The following MBD3 variants were observed in gnomAD, a reference collection of about 807,000 sequenced individuals.
The protein encoded by MBD3 is methyl-CpG-binding domain protein 3.
Under a neutral mutation model 31.2 loss-of-function variants are expected in MBD3, and 13 were observed. The observed-to-expected ratio is 0.42, with a 90% CI of 0.27 to 0.66. The LOEUF (loss-of-function observed/expected upper bound fraction) is 0.66, where lower values mean the gene tolerates loss of function less well. Among genes scored for constraint, MBD3 ranks in the 30% least tolerant of loss-of-function variants. The pLI is 0.26. For missense variants in MBD3, 440 were observed against 426.5 expected (o/e 1.03, Z -0.28); for synonymous variants, 223 against 187.4 (o/e 1.19, Z -1.55).
rs1388648091 is a variant in MBD3 at position 1,585,804 on chromosome 19, G to C, written c.111-590C>G. 6.4e-6 allele frequency: 1 copy of C among 156,692 alleles called. No homozygotes were observed. The highest frequency in any genetic ancestry group is 1.4e-5 in the Non-Finnish European group (1 of 70,916). 9.7% of individuals were successfully genotyped at this position (156,692 alleles called of 1,614,324 possible). A position where few individuals can be genotyped will look rare whatever the true frequency, so the allele number is the denominator to read the frequency against. On this transcript the variant is annotated intron_variant, in intron 1 of 6. Coordinates refer to ENST00000434436, the MANE Select transcript of MBD3 (RefSeq NM_001281453.2). The surrounding 1 kb of genome is among the most constrained non-coding windows in gnomAD (Gnocchi z 4.1). Reference sequence around the variant, plus strand: ...GGGGTTACAGCAGCAGGGCCAGACTGGGAAGGGGTCTCGTTCTAAGATCTG... The same window carrying C: ...GGGGTTACAGCAGCAGGGCCAGACTCGGAAGGGGTCTCGTTCTAAGATCTG...
chr19:1,590,355 C>T (rs1251537001), intron 1 of MBD3, among the ~76,000 whole-genome samples: 2 of 152,224 alleles, frequency 1.3e-5, no homozygotes, highest in East Asian at 1.9e-4. Flanking sequence ...CAGGCAGTGG[C>T]TCATGCCTGT....
intron 1 of MBD3, among the ~76,000 whole-genome samples, chr19:1,587,276 T>A (rs747692474): frequency 5.3e-5 from 8 of 152,162 alleles, no homozygotes; most frequent in Non-Finnish European, 1.0e-4. Context: ...ATTTTTATAT[T>A]TTTTTAATAG....
rs1184520268 is a variant in MBD3 at position 1,592,739 on chromosome 19, CCG to C, written c.-110_-109del. ...CTGCCGCTGCCGCCGCCGCCACTTGCCGCGGCTGTTCCGGCCCGCGGGCCCCC... is the reference window on the plus strand; with the variant it reads ...CTGCCGCTGCCGCCGCCGCCACTTGCCGGCTGTTCCGGCCCGCGGGCCCCC... On this transcript the variant is annotated 5_prime_UTR_variant, in exon 1 of 7. Coordinates refer to ENST00000434436, the MANE Select transcript of MBD3 (RefSeq NM_001281453.2). 4.2e-6 allele frequency: 1 copy of C among 237,978 alleles called. No homozygotes were observed. Among genetic ancestry groups the C allele is most frequent in the African/African-American group, 2.3e-5 (1 of 42,582 alleles). 14.7% of individuals were successfully genotyped at this position (237,978 alleles called of 1,614,324 possible).
Position 1,581,220 on chromosome 19 carries a change from G to A in MBD3, c.549C>T (p.Ser183=), listed in dbSNP as rs148906012. 3.5e-5 allele frequency: 57 copies of A among 1,613,054 alleles called. No individual in the cohort carries two copies. The African/African-American group carries it at 5.2e-4, about 15-fold the overall frequency. The part of the protein sequence containing the change: ...TDETLLSAIA[S]ALHTSTMPIT... ...TGGGCATGGTGCTAGTGTGCAGGGC[G>A]CTGGCGATGGCCGACAGCAGCGTCT... Residue 183 remains serine, a synonymous_variant, in exon 5 of 7, where the codon AGC becomes AGT. Coordinates refer to ENST00000434436, the MANE Select transcript of MBD3 (RefSeq NM_001281453.2).
Position 1,582,525 on chromosome 19 carries a change from G to A in MBD3, c.499+97C>T. 7.5e-6 allele frequency: 9 copies of A among 1,197,870 alleles called. No homozygotes were observed. In the South Asian group the frequency reaches 9.0e-5, roughly 12 times the overall value. The allele number at this position is 1,197,870 out of a possible 1,614,324, so 74.2% of individuals were successfully genotyped here. A position where few individuals can be genotyped will look rare whatever the true frequency, so the allele number is the denominator to read the frequency against. On this transcript the variant is annotated intron_variant, in intron 4 of 6. Coordinates refer to ENST00000434436, the MANE Select transcript of MBD3 (RefSeq NM_001281453.2). ...GATTTGCCCTAAGCACCCAAAGCAG[G>A]AACAGCCATCCACCCTGCCAGGAGA...
Position 1,584,622 on chromosome 19 carries a change from T to C in MBD3, c.326A>G (p.Lys109Arg). ...GTTGGTAATCTTGGTCACCGGCTGCTTGAAGATGGACGCCGTCTGGCGCAC... is the reference window on the plus strand; with the variant it reads ...GTTGGTAATCTTGGTCACCGGCTGCCTGAAGATGGACGCCGTCTGGCGCAC... The part of the protein sequence containing the change: ...LPVRQTASIF[K>R]QPVTKITNHP... The change falls in exon 3 of 7, where the codon AAG (lysine) becomes AGG (arginine). Residue 109 changes from lysine to arginine, a missense_variant. Lys to Arg is a conservative substitution (Grantham distance 26). This residue lies in a region of MBD3 where 144 missense variants were observed against 196.9 expected (regional missense o/e 0.73). Coordinates refer to ENST00000434436, the MANE Select transcript of MBD3 (RefSeq NM_001281453.2). 6.2e-7 allele frequency: 1 copy of C among 1,613,892 alleles called. No individual in the cohort carries two copies. The highest frequency in any genetic ancestry group is 8.5e-7 in the Non-Finnish European group (1 of 1,179,912).
intron 2 of MBD3, 85 bp from the exon 3 acceptor site, chr19:1,584,762 T>C (rs2060669996): frequency 7.8e-6 from 11 of 1,407,640 alleles, no homozygotes; most frequent in South Asian, 2.5e-5. Context: ...GGTGACCCCC[T>C]GCTTTGCCGG....
chr19:1,590,041 C>G (rs2060696640), intron 1 of MBD3, among the ~76,000 whole-genome samples: 1 of 152,160 alleles, frequency 6.6e-6, no homozygotes, highest in African/African-American at 2.4e-5. Flanking sequence ...GGTGTGGTGG[C>G]TCAGGCCTGT....
chr19:1,579,050 G>A (rs1167241565), intron 5 of MBD3, among the ~76,000 whole-genome samples: 1 of 151,820 alleles, frequency 6.6e-6, no homozygotes, highest in Non-Finnish European at 1.5e-5. Flanking sequence ...TGGGCGTGGT[G>A]GCGGCCGCCT....
chr19:1,578,281 G>A lies in MBD3; in HGVS notation c.*5+54C>T, dbSNP rs1917258426. On this transcript the variant is annotated intron_variant, in intron 6 of 6. Transcript: ENST00000434436. This position sits in a 1 kb window ranked among gnomAD's most constrained non-coding sequence, Gnocchi z 6.1. Reference sequence around the variant, plus strand: ...TCCCAAGCACATCTGTGTTCACCAGGCAGTCCCCACTGCCAGGACCCGACT... The same window carrying A: ...TCCCAAGCACATCTGTGTTCACCAGACAGTCCCCACTGCCAGGACCCGACT... 3 of 1,597,760 alleles carry A rather than the reference G, an allele frequency of 1.9e-6. No individual in the cohort carries two copies.
chr19:1,592,698 G>T lies in MBD3; in HGVS notation c.-67C>A, dbSNP rs1211410496. On this transcript the variant is annotated 5_prime_UTR_variant, in exon 1 of 7. Coordinates refer to ENST00000434436, the MANE Select transcript of MBD3 (RefSeq NM_001281453.2). Reference sequence around the variant, plus strand: ...GCCCGGACCCCCACTCGCCGCCGCCGCCTCAGCTGCCTCCGCTGCCGCTGC... The same window carrying T: ...GCCCGGACCCCCACTCGCCGCCGCCTCCTCAGCTGCCTCCGCTGCCGCTGC... The T allele has an allele frequency of 1.7e-5, 8 of 470,178 alleles. No individual in the cohort carries two copies. Among genetic ancestry groups the T allele is most frequent in the Non-Finnish European group, 8.5e-6 (3 of 351,956 alleles). The allele number at this position is 470,178 out of a possible 1,614,324, so 29.1% of individuals were successfully genotyped here.
chr19:1,581,404 C>T, intron 4 of MBD3, 135 bp from the exon 5 acceptor site: 1 of 894,638 alleles, frequency 1.1e-6, no homozygotes, highest in Non-Finnish European at 1.8e-6. Context: ...GGTTCCATTT[C>T]TAAATTCCCT....
chr19:1,583,784 T>C (rs2060664438), intron 3 of MBD3, among the ~76,000 whole-genome samples: 1 of 152,074 alleles, frequency 6.6e-6, no homozygotes, highest in South Asian at 2.1e-4. Flanking sequence ...TACCTGCAGG[T>C]AACGTGCAAA....
intron 4 of MBD3, among the ~76,000 whole-genome samples, chr19:1,582,373 G>A (rs1383413793): frequency 6.6e-6 from 1 of 152,082 alleles, no homozygotes; most frequent in South Asian, 2.1e-4. Context: ...CCAGGCCTGC[G>A]CCACACCTGG....
intron 2 of MBD3, 82 bp downstream of exon 2, chr19:1,584,973 T>G: frequency 6.4e-7 from 1 of 1,569,380 alleles, no homozygotes; most frequent in Admixed American, 1.7e-5. Context: ...CGCCGGGCTG[T>G]GTCGCCTGCA....
At chr19:1,582,478 C>T (rs1415893978) in intron 4 of MBD3, 144 bp downstream of exon 4, 2 of 756,624 alleles carry the variant, frequency 2.6e-6, no homozygotes, top group Non-Finnish European at 4.5e-6. Context: ...TGGGTCCCCT[C>T]CTCCTGCCCC....
rs745925833 is a variant in MBD3 at position 1,582,718 on chromosome 19, C to T, written c.409-6G>A. On this transcript the variant is annotated splice_region_variant and splice_polypyrimidine_tract_variant and intron_variant, in intron 3 of 6. Transcript: ENST00000434436. ...AGCTTCTTCTCCCAGAAGAGCTGCC[C>T]CAGACACATATGTGAACCTCAAGAG... is the stretch of plus-strand genomic sequence containing the variant. The T allele has an allele frequency of 6.8e-6, 11 of 1,612,296 alleles. No homozygotes were observed. Among genetic ancestry groups the T allele is most frequent in the Non-Finnish European group, 9.3e-6 (11 of 1,179,220 alleles).
intron 1 of MBD3, among the ~76,000 whole-genome samples, chr19:1,590,750 C>T (rs1308990098): frequency 6.6e-6 from 1 of 152,192 alleles, no homozygotes; most frequent in Non-Finnish European, 1.5e-5. Flanking sequence ...GATAAAACCA[C>T]ACGTATAGAA....
chr19:1,589,073 T>C (rs2060692080), intron 1 of MBD3, among the ~76,000 whole-genome samples: 1 of 152,156 alleles, frequency 6.6e-6, no homozygotes, highest in African/African-American at 2.4e-5. Flanking sequence ...GGCTCACACC[T>C]GTAATCCCAG....
Sources: gnomAD v4.1 joint callset for allele counts (sites outside exome capture counted in the v4.1 genomes callset) on GRCh38, gnomAD v4.1.1 for gene constraint, gnomAD v4.1.1 regional missense constraint, Gnocchi (gnomAD v3.1) non-coding constraint, MANE v1.5 for transcripts, NCBI Gene and HGNC (gene_info 2026-07-23, HGNC 2026-07-21) for gene names.